Variants in ATP11A observed in about 807,000 individuals in gnomAD.
The protein encoded by ATP11A is phospholipid-transporting ATPase IH.
ATP11A carries 81 observed loss-of-function variants against 154.4 expected under a neutral mutation model. The ratio of observed to expected loss-of-function variants is 0.52; its 90% CI spans 0.44 to 0.63. ATP11A has a LOEUF of 0.63. Ranked by LOEUF, ATP11A falls within the 30% of genes least tolerant of loss-of-function variation. ATP11A has a pLI of 0.00. For synonymous variants in ATP11A, 623 were observed against 585.9 expected (o/e 1.06, Z -0.91); for missense variants, 1,316 against 1,474.3 (o/e 0.89, Z 1.76).
intron 2 of ATP11A, among the ~76,000 whole-genome samples, chr13:112,787,792 G>A (rs2077691410): frequency 7.4e-6 from 1 of 135,720 alleles, no homozygotes; most frequent in Non-Finnish European, 1.5e-5. Context: ...GTCCTGACGT[G>A]TAAACCCCTG....
intron 1 of ATP11A, among the ~76,000 whole-genome samples, chr13:112,734,657 T>A (rs962520824): frequency 2.0e-5 from 3 of 152,176 alleles, no homozygotes; most frequent in Non-Finnish European, 4.4e-5. Flanking sequence ...TTTTCATAAA[T>A]TAGTGGTTTT....
intron 2 of ATP11A, among the ~76,000 whole-genome samples, chr13:112,798,609 G>A (rs183974155): frequency 1.3e-5 from 2 of 152,344 alleles, no homozygotes; most frequent in East Asian, 3.9e-4. Context: ...GGTTATGTGA[G>A]AGTGGGCGTA....
At position 112,875,861 on chromosome 13, in the gene ATP11A, G is replaced by T. The variant is rs116061828; in HGVS notation, c.3247G>T (p.Val1083Leu). The part of the protein sequence containing the change: ...GPAWLAIVLL[V>L]TISLLPDVLK... Reference sequence around the variant, plus strand: ...CGCCTGGCTGGCCATCGTGCTGCTGGTGACCATCAGCCTCCTTCCCGACGT... The same window carrying T: ...CGCCTGGCTGGCCATCGTGCTGCTGTTGACCATCAGCCTCCTTCCCGACGT... Residue 1083 changes from valine (V) to leucine (L), a missense_variant, in exon 28 of 30, where the codon GTG (valine) becomes TTG (leucine). Physicochemically the swap from Val to Leu is conservative, Grantham distance 32 (BLOSUM62 1). Coordinates refer to ENST00000375645, the MANE Select transcript of ATP11A (RefSeq NM_015205.3). This position sits in a 1 kb window ranked among gnomAD's most constrained non-coding sequence, Gnocchi z 4.1. 7.5e-4 allele frequency: 1,207 copies of T among 1,613,940 alleles called. 4 individuals carry two copies. The African/African-American group carries it at 0.014, about 19-fold the overall frequency.
At chr13:112,724,378 G>A (rs1889580995) in intron 1 of ATP11A, among the ~76,000 whole-genome samples, 1 of 151,840 alleles carries the variant, frequency 6.6e-6, no homozygotes. Context: ...ACGATTTACT[G>A]GAAGGACTCG....
rs190126278 is a variant in ATP11A, at chr13:112,848,350, T to A, written c.1810-2687T>A. 4.8e-4 allele frequency among the ~76,000 whole-genome samples: 73 copies of A among 152,360 alleles called. 1 individual carries two copies. Among genetic ancestry groups the A allele is most frequent in the Admixed American group, 3.7e-3 (56 of 15,300 alleles). Reference sequence around the variant, plus strand: ...ATGCTACTGAAGTGGAATTTTTTTTTAATTTCCTTTTCATATTGTTCATTG... The same window carrying A: ...ATGCTACTGAAGTGGAATTTTTTTTAAATTTCCTTTTCATATTGTTCATTG... On this transcript the variant is annotated intron_variant, in intron 17 of 29. Transcript: ENST00000375645.
chr13:112,787,616 G>T (rs1223047331), intron 2 of ATP11A, among the ~76,000 whole-genome samples: 2 of 101,306 alleles, frequency 2.0e-5, no homozygotes, highest in Non-Finnish European at 3.9e-5. Context: ...CCCCTGTGGA[G>T]ACCTACTTAA....
In ATP11A at chr13:112,832,879, T is replaced by G; in HGVS notation, c.1415T>G (p.Phe472Cys). The G allele has an allele frequency of 6.2e-7, 1 of 1,613,694 alleles. No homozygotes were observed. Among genetic ancestry groups the G allele is most frequent in the Non-Finnish European group, 8.5e-7 (1 of 1,179,670 alleles). ...TTATAGGAGCGCGAGGAGCTGTTTT[T>G]CCGGGCCCTCTGTCTCTGCCACACC... ...VNGREREELF[F>C]RALCLCHTVQ... The change falls in exon 14 of 30, where the codon TTC becomes TGC. Residue 472 changes from phenylalanine (F) to cysteine (C), a missense_variant. Physicochemically the swap from Phe to Cys is radical, Grantham distance 205. This residue lies in a region of ATP11A where 876 missense variants were observed against 1,006.8 expected (regional missense o/e 0.87). Transcript: ENST00000375645.
chr13:112,748,904 G>C (rs1008434663), intron 1 of ATP11A, among the ~76,000 whole-genome samples: 2 of 152,204 alleles, frequency 1.3e-5, no homozygotes, highest in African/African-American at 4.8e-5. Flanking sequence ...CTTAACACTC[G>C]CGTTTGTTAA....
At chr13:112,837,153 C>G (rs1265236784) in intron 16 of ATP11A, among the ~76,000 whole-genome samples, 1 of 152,204 alleles carries the variant, frequency 6.6e-6, no homozygotes, top group Non-Finnish European at 1.5e-5. Context: ...GAGGCCACCC[C>G]TTTGCATGGC....
At chr13:112,744,094 C>T (rs378491) in intron 1 of ATP11A, among the ~76,000 whole-genome samples, 1 of 152,044 alleles carries the variant, frequency 6.6e-6, no homozygotes, top group Non-Finnish European at 1.5e-5. Context: ...GCCTCTTTCA[C>T]GTAAGGAAGG....
In ATP11A at chr13:112,819,771, G is replaced by A. The variant is rs557240239; in HGVS notation, c.675-129G>A. ...CGACAAGGGAAGGGGCTGGAGCGGGGCTGCTTTAGCCGCACACGGAGCGGG... is the reference window on the plus strand; with the variant it reads ...CGACAAGGGAAGGGGCTGGAGCGGGACTGCTTTAGCCGCACACGGAGCGGG... On this transcript the variant is annotated intron_variant, in intron 7 of 29. Coordinates refer to ENST00000375645, the MANE Select transcript of ATP11A (RefSeq NM_015205.3). 10 of 910,612 alleles carry A rather than the reference G, an allele frequency of 1.1e-5. No homozygotes were observed. The African/African-American group carries it at 1.1e-4, about 10-fold the overall frequency. 56.4% of individuals were successfully genotyped at this position (910,612 alleles called of 1,614,324 possible). A position where few individuals can be genotyped will look rare whatever the true frequency, so the allele number is the denominator to read the frequency against.
At chr13:112,692,951 G>A (rs1885370581) in intron 1 of ATP11A, among the ~76,000 whole-genome samples, 1 of 152,172 alleles carries the variant, frequency 6.6e-6, no homozygotes, top group Non-Finnish European at 1.5e-5. Flanking sequence ...TATTAAAAAG[G>A]ATAGATAAAT....
chr13:112,699,231 A>G (rs1182856049), intron 1 of ATP11A, among the ~76,000 whole-genome samples: 26 of 152,242 alleles, frequency 1.7e-4, no homozygotes, highest in Non-Finnish European at 2.9e-5. Context: ...AGTTATTCTC[A>G]AGGATAAAGA....
chr13:112,763,554 C>T (rs1244497631), intron 1 of ATP11A, among the ~76,000 whole-genome samples: 3 of 152,202 alleles, frequency 2.0e-5, no homozygotes, highest in Non-Finnish European at 4.4e-5. Context: ...AGAGAATCCA[C>T]TTCCCTTTCC....
At chr13:112,766,271 G>A (rs904012696) in intron 1 of ATP11A, among the ~76,000 whole-genome samples, 1 of 152,176 alleles carries the variant, frequency 6.6e-6, no homozygotes, top group African/African-American at 2.4e-5. Context: ...TAGGCTTTTA[G>A]CAGCCTGAAG....
intron 5 of ATP11A, among the ~76,000 whole-genome samples, chr13:112,814,735 C>T (rs779643672): frequency 1.3e-5 from 2 of 152,204 alleles, no homozygotes; most frequent in Non-Finnish European, 2.9e-5. Context: ...CCACCAATCC[C>T]ACACTGTTGG....
chr13:112,795,820 A>G (rs183908741), intron 2 of ATP11A, among the ~76,000 whole-genome samples: 74 of 152,364 alleles, frequency 4.9e-4, no homozygotes, highest in African/African-American at 1.7e-3. Context: ...AAAAAGGTCG[A>G]TCACATGTGT....
chr13:112,737,391 T>C (rs1350578773), intron 1 of ATP11A, among the ~76,000 whole-genome samples: 3 of 152,210 alleles, frequency 2.0e-5, no homozygotes, highest in Admixed American at 6.5e-5. Flanking sequence ...TATCCTTCGG[T>C]GAAATGTTCG....
At chr13:112,755,705 T>G (rs1360805592) in intron 1 of ATP11A, among the ~76,000 whole-genome samples, 127 of 130,994 alleles carry the variant, frequency 9.7e-4, no homozygotes, top group African/African-American at 3.2e-3. Context: ...CACGGAACCA[T>G]CACTCAGAGC....
Sources: gnomAD v4.1 joint callset for allele counts (sites outside exome capture counted in the v4.1 genomes callset) on GRCh38, gnomAD v4.1.1 for gene constraint, gnomAD v4.1.1 regional missense constraint, Gnocchi (gnomAD v3.1) non-coding constraint, MANE v1.5 for transcripts, NCBI Gene and HGNC (gene_info 2026-07-23, HGNC 2026-07-21) for gene names.